Variants in OTULIN observed in about 807,000 individuals in gnomAD.
The protein encoded by OTULIN is ubiquitin thioesterase otulin.
In OTULIN, 15 loss-of-function variants were observed where a neutral mutation model predicts 39.6. The ratio of observed to expected loss-of-function variants is 0.38; its 90% CI spans 0.25 to 0.58. OTULIN has a LOEUF of 0.58. Ranked by LOEUF, OTULIN falls within the 20% of genes least tolerant of loss-of-function variation. The probability of loss-of-function intolerance (pLI) is 0.66; values close to 1 mark genes in which losing one functional copy is unlikely to be tolerated. For missense variants in OTULIN, 319 were observed against 445.9 expected, an observed-to-expected ratio of 0.72 and a Z score of 2.56; for synonymous variants, 156 against 170.3, an observed-to-expected ratio of 0.92 and a Z score of 0.65.
At chr5:14,679,137 T>C (rs570088732) in intron 3 of OTULIN, among the ~76,000 whole-genome samples, 1 of 152,210 alleles carries the variant, frequency 6.6e-6, no homozygotes, top group Non-Finnish European at 1.5e-5. Context: ...GATTCCACAC[T>C]TCTGCTTTCC....
the OTULIN span, among the ~76,000 whole-genome samples, chr5:14,713,204 C>T: frequency 5.3e-3 from 803 of 152,286 alleles, 6 homozygotes; most frequent in African/African-American, 0.018. The surrounding 1 kb of genome is among the most constrained non-coding windows in gnomAD (Gnocchi z 4.4). Flanking sequence ...CAGCCCTTCC[C>T]ACCCTCCCCA....
At chr5:14,683,526 T>C (rs1295818362) in intron 4 of OTULIN, among the ~76,000 whole-genome samples, 2 of 152,220 alleles carry the variant, frequency 1.3e-5, no homozygotes, top group Non-Finnish European at 2.9e-5. Flanking sequence ...TGCTTTGCCT[T>C]ATTTTAACTT....
chr5:14,678,649 T>C, intron 2 of OTULIN, 32 bp from the exon 3 acceptor site: 2 of 1,450,234 alleles, frequency 1.4e-6, no homozygotes, highest in Non-Finnish European at 1.9e-6. Flanking sequence ...TGATTTATTA[T>C]TTGCTTTTTT....
chr5:14,713,801 A>C, the OTULIN span: 1 of 1,295,038 alleles, frequency 7.7e-7, no homozygotes, highest in South Asian at 1.2e-5. This position sits in a 1 kb window ranked among gnomAD's most constrained non-coding sequence, Gnocchi z 4.4. Flanking sequence ...GCCGCTGGCC[A>C]CCTCATCTTC....
chr5:14,713,838 T>C, the OTULIN span, among the ~76,000 whole-genome samples: 2 of 152,220 alleles, frequency 1.3e-5, no homozygotes, highest in Non-Finnish European at 2.9e-5. The surrounding 1 kb of genome is among the most constrained non-coding windows in gnomAD (Gnocchi z 4.4). Context: ...TCCCTGCTCC[T>C]GAGCCTAGGC....
In OTULIN at chr5:14,664,754, G is replaced by T; in HGVS notation, c.-72G>T. On this transcript the variant is annotated 5_prime_UTR_variant, in exon 1 of 7. Transcript: ENST00000284274. ...CGGCGGCTGAGAGGCTGCGGCCACT[G>T]CCTGGCACCCCGACGGGAGGGGCTC... The T allele has an allele frequency of 1.8e-6, 2 of 1,095,910 alleles. No homozygotes were observed. The highest frequency in any genetic ancestry group is 2.2e-6 in the Non-Finnish European group (2 of 900,056). 67.9% of individuals were successfully genotyped at this position (1,095,910 alleles called of 1,614,324 possible).
At chr5:14,672,294 T>C (rs1381161529) in intron 1 of OTULIN, among the ~76,000 whole-genome samples, 1 of 152,114 alleles carries the variant, frequency 6.6e-6, no homozygotes, top group Non-Finnish European at 1.5e-5. Context: ...AATTTTGACA[T>C]TGGTTCCCTG....
At chr5:14,678,830 G>T in intron 3 of OTULIN, 55 bp downstream of exon 3, 1 of 1,149,982 alleles carries the variant, frequency 8.7e-7, no homozygotes, top group Non-Finnish European at 1.2e-6. Flanking sequence ...ATCATAAGTT[G>T]TTTAATATGT....
the OTULIN span, among the ~76,000 whole-genome samples, chr5:14,712,141 C>T: frequency 6.6e-6 from 1 of 152,254 alleles, no homozygotes; most frequent in African/African-American, 2.4e-5. Flanking sequence ...TCTACCATCT[C>T]AGCCCACACC....
intron 4 of OTULIN, among the ~76,000 whole-genome samples, chr5:14,685,486 C>T (rs1006340456): frequency 3.3e-5 from 5 of 152,164 alleles, no homozygotes; most frequent in African/African-American, 1.2e-4. Context: ...CCTCTGAAAG[C>T]GTTTGAAGTT....
At chr5:14,665,462 G>C (rs1735812633) in intron 1 of OTULIN, among the ~76,000 whole-genome samples, 1 of 152,148 alleles carries the variant, frequency 6.6e-6, no homozygotes, top group African/African-American at 2.4e-5. Flanking sequence ...ACCCTTTAAC[G>C]GCCTGACTAG....
intron 1 of OTULIN, among the ~76,000 whole-genome samples, chr5:14,668,564 T>C (rs937466324): frequency 6.6e-6 from 1 of 152,208 alleles, no homozygotes; most frequent in South Asian, 2.1e-4. Context: ...GTTGACACTG[T>C]CTCACCAACA....
chr5:14,698,494 C>T lies in OTULIN; in HGVS notation c.*5446C>T, dbSNP rs1472106390. 6.6e-6 allele frequency: 1 copy of T among 152,390 alleles called. No homozygotes were observed. The highest frequency in any genetic ancestry group is 1.9e-4 in the East Asian group (1 of 5,190). The allele number at this position is 152,390 out of a possible 1,614,324, so 9.4% of individuals were successfully genotyped here. On this transcript the variant is annotated 3_prime_UTR_variant, in exon 7 of 7. Transcript: ENST00000284274. ...TTACTTGTTGAGTCTCTTGTCTTCA[C>T]TGTCAGAAGCTGAACTGACTTGGGG... is the stretch of plus-strand genomic sequence containing the variant.
intron 2 of OTULIN, 152 bp downstream of exon 2, chr5:14,673,870 G>C: frequency 1.8e-6 from 1 of 544,878 alleles, no homozygotes; most frequent in Non-Finnish European, 3.1e-6. Context: ...GTATGTTAGA[G>C]ACTGTTTCCT....
At chr5:14,677,916 T>G (rs1736146827) in intron 2 of OTULIN, among the ~76,000 whole-genome samples, 1 of 152,214 alleles carries the variant, frequency 6.6e-6, no homozygotes, top group Non-Finnish European at 1.5e-5. Context: ...TGTAATTTGA[T>G]TAGAAAAGTA....
chr5:14,710,725 T>G, the OTULIN span: 1 of 194,180 alleles, frequency 5.1e-6, no homozygotes, highest in Admixed American at 5.4e-5. Context: ...CTCCATCTCT[T>G]TGTACGGCCA....
At chr5:14,709,738 T>C in the OTULIN span, 1 of 152,632 alleles carries the variant, frequency 6.6e-6, no homozygotes, top group African/African-American at 2.4e-5. Context: ...TTTATAAAAC[T>C]GCTGCCAATA....
At position 14,664,842 on chromosome 5, in the gene OTULIN, TG is replaced by T; in HGVS notation, c.18del (p.Met6IlefsTer57). 8.2e-7 allele frequency: 1 copy of T among 1,214,856 alleles called. No homozygotes were observed. Among genetic ancestry groups the T allele is most frequent in the Non-Finnish European group, 1.0e-6 (1 of 975,754 alleles). The allele number at this position is 1,214,856 out of a possible 1,614,324, so 75.3% of individuals were successfully genotyped here. ...AGCGACCGCATGAGTCGGGGGACTA[TG>T]CCCCAGCCCGAAGCGTGGCCAGGCG... The part of the protein sequence containing the change: MSRGT[M>X]PQPEAWPGAS... On this transcript the variant is annotated frameshift_variant, in exon 1 of 7. Coordinates refer to ENST00000284274, the MANE Select transcript of OTULIN (RefSeq NM_138348.6). LOFTEE classifies it high-confidence loss of function.
intron 6 of OTULIN, among the ~76,000 whole-genome samples, chr5:14,692,047 A>G (rs1032485886): frequency 1.3e-5 from 2 of 152,238 alleles, no homozygotes; most frequent in African/African-American, 4.8e-5. Context: ...TAACCCTGCT[A>G]TGAACATTCA....
Sources: gnomAD v4.1 joint callset for allele counts (sites outside exome capture counted in the v4.1 genomes callset) on GRCh38, gnomAD v4.1.1 for gene constraint, Gnocchi (gnomAD v3.1) non-coding constraint, MANE v1.5 for transcripts, NCBI Gene and HGNC (gene_info 2026-07-23, HGNC 2026-07-21) for gene names.